Variants in PTPRD observed in about 807,000 individuals in gnomAD.
PTPRD encodes protein tyrosine phosphatase receptor type D.
PTPRD carries 34 observed loss-of-function variants against 214.5 expected under a neutral mutation model. That is an observed-to-expected ratio of 0.16 (90% confidence interval 0.12 to 0.21). The LOEUF is 0.21. PTPRD is among the 10% of genes least tolerant of loss of function. The pLI is 1.00. For synonymous variants in PTPRD, 1,128 were observed against 845.7 expected (o/e 1.33, Z -5.79); for missense variants, 2,545 against 2,398.7 (o/e 1.06, Z -1.27).
chr9:9,271,589 A>T (rs73390823), intron 9 of PTPRD, among the ~76,000 whole-genome samples: 2,564 of 151,542 alleles, frequency 0.017, 69 homozygotes, highest in African/African-American at 0.059. Context: ...AATTATTAAA[A>T]TCTGGATAGC....
At chr9:9,483,736 G>A (rs1429419674) in intron 8 of PTPRD, among the ~76,000 whole-genome samples, 1 of 151,620 alleles carries the variant, frequency 6.6e-6, no homozygotes, top group Non-Finnish European at 1.5e-5. Flanking sequence ...CTCATTTCCT[G>A]GGCTCATGGT....
At chr9:9,640,651 T>A (rs2154365604) in intron 7 of PTPRD, among the ~76,000 whole-genome samples, 1 of 152,282 alleles carries the variant, frequency 6.6e-6, no homozygotes, top group Admixed American at 6.5e-5. Context: ...ATGGAGGAGT[T>A]AGACAATTAC....
intron 3 of PTPRD, among the ~76,000 whole-genome samples, chr9:10,309,001 A>G (rs12238349): frequency 0.053 from 8,096 of 152,150 alleles, 253 homozygotes; most frequent in South Asian, 0.14. Flanking sequence ...TGTTGGGTCT[A>G]AGATATATAC....
At chr9:9,101,755 C>T (rs2154441810) in intron 10 of PTPRD, among the ~76,000 whole-genome samples, 1 of 152,184 alleles carries the variant, frequency 6.6e-6, no homozygotes, top group Non-Finnish European at 1.5e-5. Flanking sequence ...TATGATTAAC[C>T]CACATGTATA....
chr9:8,750,492 C>A (rs758595544), intron 11 of PTPRD, among the ~76,000 whole-genome samples: 41 of 151,406 alleles, frequency 2.7e-4, no homozygotes, highest in African/African-American at 7.3e-4. Context: ...GGTAAGTGCT[C>A]GAAAGAAAAT....
At chr9:8,876,990 G>A (rs1587145902) in intron 11 of PTPRD, among the ~76,000 whole-genome samples, 1 of 151,280 alleles carries the variant, frequency 6.6e-6, no homozygotes, top group Admixed American at 6.6e-5. Flanking sequence ...GCAGTGGCGC[G>A]ATCTCAGCTC....
chr9:8,422,649 A>G lies in PTPRD; in HGVS notation c.4086+13943T>C, dbSNP rs367576845. 4.3e-4 allele frequency among the ~76,000 whole-genome samples: 66 copies of G among 152,330 alleles called. 3 individuals are homozygous for G. The South Asian group carries it at 0.013, about 31-fold the overall frequency. On this transcript the variant is annotated intron_variant, in intron 35 of 45. Coordinates refer to ENST00000381196, the MANE Select transcript of PTPRD (RefSeq NM_002839.4). ...ACACTGAATTTAAACTTAAACCTCT[A>G]AAATTTTATGAAGGATTTTTTAAAG...
intron 10 of PTPRD, among the ~76,000 whole-genome samples, chr9:9,049,202 G>A (rs1272851669): frequency 3.3e-5 from 5 of 152,158 alleles, no homozygotes; most frequent in Non-Finnish European, 5.9e-5. Flanking sequence ...AAGCCTTAAG[G>A]CATTCAGTGG....
intron 9 of PTPRD, among the ~76,000 whole-genome samples, chr9:9,370,090 GC>G (rs1467884071): frequency 6.6e-6 from 1 of 152,074 alleles, no homozygotes; most frequent in African/African-American, 2.4e-5. Context: ...ACTTGGCGAT[GC>G]GGGCTCTTTT....
intron 14 of PTPRD, among the ~76,000 whole-genome samples, chr9:8,587,096 G>A (rs2093720708): frequency 6.6e-6 from 1 of 151,554 alleles, no homozygotes; most frequent in Non-Finnish European, 1.5e-5. Context: ...CTTGCAGTGA[G>A]CCGAGATCAC....
chr9:10,149,521 G>C (rs377249895), intron 3 of PTPRD, among the ~76,000 whole-genome samples: 2 of 152,006 alleles, frequency 1.3e-5, no homozygotes, highest in African/African-American at 4.8e-5. Flanking sequence ...GCCCTCCAGC[G>C]TGCCTCCGTC....
At chr9:8,710,218 G>A (rs1033687388) in intron 12 of PTPRD, among the ~76,000 whole-genome samples, 7 of 152,144 alleles carry the variant, frequency 4.6e-5, no homozygotes, top group African/African-American at 1.7e-4. Context: ...CCCTTTGCAA[G>A]AAAGCAAATT....
rs191175265 is a variant in PTPRD, at chr9:8,458,721, C to T, written c.3875+1690G>A. On this transcript the variant is annotated intron_variant, in intron 33 of 45. Coordinates refer to ENST00000381196, the MANE Select transcript of PTPRD (RefSeq NM_002839.4). ...TCATGCTTCCTGCCCTTATCTCTTA[C>T]ATGGAGAGAGGTAATAAAATACAAT... 4.2e-3 allele frequency among the ~76,000 whole-genome samples: 633 copies of T among 152,074 alleles called. 2 individuals are homozygous for T. The highest frequency in any genetic ancestry group is 0.015 in the African/African-American group (612 of 41,488).
chr9:10,546,162 A>C (rs528826192), intron 2 of PTPRD, among the ~76,000 whole-genome samples: 20 of 152,232 alleles, frequency 1.3e-4, no homozygotes, highest in African/African-American at 4.6e-4. Context: ...AGTAAATGAA[A>C]ACACAAACAG....
chr9:10,415,544 C>G (rs1249966279), intron 2 of PTPRD, among the ~76,000 whole-genome samples: 1 of 151,674 alleles, frequency 6.6e-6, no homozygotes, highest in African/African-American at 2.4e-5. Context: ...CTTTTTTGTT[C>G]CTTTGTTTGA....
chr9:8,336,959 G>T (rs557737683), intron 43 of PTPRD, among the ~76,000 whole-genome samples: 132 of 152,266 alleles, frequency 8.7e-4, no homozygotes, highest in African/African-American at 3.1e-3. Context: ...CAGATGCTGG[G>T]GAGGATGTGG....
chr9:10,527,971 G>A (rs928794207), intron 2 of PTPRD, among the ~76,000 whole-genome samples: 1 of 151,920 alleles, frequency 6.6e-6, no homozygotes, highest in Non-Finnish European at 1.5e-5. Context: ...AGTAAATATT[G>A]ATAATAATTT....
At chr9:9,211,579 AATG>A (rs1262247043) in intron 9 of PTPRD, among the ~76,000 whole-genome samples, 3 of 151,376 alleles carry the variant, frequency 2.0e-5, no homozygotes, top group Non-Finnish European at 4.4e-5. Flanking sequence ...GTTTCTTCTC[AATG>A]ATATTAAGAA....
intron 9 of PTPRD, among the ~76,000 whole-genome samples, chr9:9,272,768 T>C (rs574617374): frequency 6.6e-6 from 1 of 151,422 alleles, no homozygotes; most frequent in East Asian, 2.0e-4. Flanking sequence ...GCCACTTTCA[T>C]GTCCTAAAAC....
Sources: gnomAD v4.1 joint callset for allele counts (sites outside exome capture counted in the v4.1 genomes callset) on GRCh38, gnomAD v4.1.1 for gene constraint, MANE v1.5 for transcripts, NCBI Gene and HGNC (gene_info 2026-07-23, HGNC 2026-07-21) for gene names.